The following RHPN2 variants were observed in gnomAD, a reference collection of about 807,000 sequenced individuals.
The protein encoded by RHPN2 is rhophilin Rho GTPase binding protein 2.
RHPN2 carries 40 observed loss-of-function variants against 79.0 expected under a neutral mutation model. That is an observed-to-expected ratio of 0.51 (90% CI 0.39 to 0.66). The LOEUF (loss-of-function observed/expected upper bound fraction) is 0.66, where lower values mean the gene tolerates loss of function less well. Ranked by LOEUF, RHPN2 falls within the 30% of genes least tolerant of loss-of-function variation. The pLI, the probability that RHPN2 is intolerant of heterozygous loss-of-function variation, is 0.00. For missense variants in RHPN2, 686 were observed against 883.5 expected, an observed-to-expected ratio of 0.78 and a Z score of 2.83; for synonymous variants, 285 against 363.5, an observed-to-expected ratio of 0.78 and a Z score of 2.46.
chr19:33,064,763 C>T (rs1172613305), intron 1 of RHPN2, 21 bp downstream of exon 1: 10 of 1,454,138 alleles, frequency 6.9e-6, no homozygotes, highest in African/African-American at 1.4e-5. Flanking sequence ...GGTCCCCGCC[C>T]GCCCGCCCGA....
At position 32,981,072 on chromosome 19, in the gene RHPN2, G is replaced by A. The variant is rs534827550; in HGVS notation, c.1801-816C>T. On this transcript the variant is annotated intron_variant, in intron 14 of 14. Coordinates refer to ENST00000254260, the MANE Select transcript of RHPN2 (RefSeq NM_033103.5). ...GATCTCCTGACCTCGTGATCCGCCC[G>A]TCTTGGCCTCCCAAAGTGCTGGAAT... Among the ~76,000 whole-genome samples, 18 of 152,082 alleles carry A rather than the reference G, an allele frequency of 1.2e-4. 1 individual carries two copies. Among genetic ancestry groups the A allele is most frequent in the African/African-American group, 2.9e-4 (12 of 41,498 alleles).
intron 10 of RHPN2, among the ~76,000 whole-genome samples, chr19:32,996,952 G>A (rs1051828225): frequency 1.3e-5 from 2 of 152,084 alleles, no homozygotes; most frequent in Non-Finnish European, 2.9e-5. Context: ...CTGGAGTACA[G>A]TGGTGCAATC....
intron 1 of RHPN2, among the ~76,000 whole-genome samples, chr19:33,057,773 T>C (rs1487279395): frequency 2.0e-5 from 3 of 151,990 alleles, no homozygotes; most frequent in African/African-American, 7.3e-5. Flanking sequence ...AGATCTGTAC[T>C]GCGGGTGTCC....
intron 4 of RHPN2, among the ~76,000 whole-genome samples, chr19:33,014,473 T>C (rs1274653075): frequency 6.6e-6 from 1 of 152,032 alleles, no homozygotes; most frequent in Non-Finnish European, 1.5e-5. Flanking sequence ...ACTCAGCTAA[T>C]ATTGTTATTT....
At chr19:33,001,044 T>C (rs1971745524) in intron 9 of RHPN2, among the ~76,000 whole-genome samples, 1 of 152,214 alleles carries the variant, frequency 6.6e-6, no homozygotes, top group Non-Finnish European at 1.5e-5. Context: ...GTTTTCGTTT[T>C]CATGACAGCC....
At position 33,031,458 on chromosome 19, in the gene RHPN2, C is replaced by T. The variant is rs200088935; in HGVS notation, c.186-4826G>A. ...TATTTTTTCACCATGTTGCCCAGTC[C>T]AGTCTCCAACTCCTGGGCTCAAGCA... On this transcript the variant is annotated intron_variant, in intron 2 of 14. Transcript: ENST00000254260. Among the ~76,000 whole-genome samples the T allele has an allele frequency of 3.9e-5, 6 of 152,142 alleles. No homozygotes were observed. The East Asian group carries it at 1.2e-3, about 29-fold the overall frequency.
intron 6 of RHPN2, 30 bp downstream of exon 6, chr19:33,011,649 G>A (rs767621369): frequency 6.2e-7 from 1 of 1,613,924 alleles, no homozygotes; most frequent in Non-Finnish European, 8.5e-7. Flanking sequence ...CATAACACGT[G>A]AAGCGCCAGC....
chr19:33,029,112 C>A (rs1971989737), intron 2 of RHPN2, among the ~76,000 whole-genome samples: 1 of 151,866 alleles, frequency 6.6e-6, no homozygotes. Context: ...CGCACTCCAG[C>A]CTGGGCAACA....
Position 33,046,335 on chromosome 19 carries a change from G to A in RHPN2, c.70-1971C>T, listed in dbSNP as rs570355190. 9.8e-4 allele frequency among the ~76,000 whole-genome samples: 149 copies of A among 152,000 alleles called. 1 individual carries two copies. Among genetic ancestry groups the A allele is most frequent in the African/African-American group, 3.4e-3 (143 of 41,482 alleles). ...GGCTTGAGTGCAGTGGCTCGATCTCGGCTCATTGCAACCTCTGTCTCCCAG... is the reference window on the plus strand; with the variant it reads ...GGCTTGAGTGCAGTGGCTCGATCTCAGCTCATTGCAACCTCTGTCTCCCAG... On this transcript the variant is annotated intron_variant, in intron 1 of 14. Coordinates refer to ENST00000254260, the MANE Select transcript of RHPN2 (RefSeq NM_033103.5).
At chr19:33,008,639 G>A (rs1971812851) in intron 6 of RHPN2, among the ~76,000 whole-genome samples, 2 of 152,018 alleles carry the variant, frequency 1.3e-5, no homozygotes, top group African/African-American at 2.4e-5. Context: ...GCATGGTGGC[G>A]GGCGCCTGTA....
chr19:33,039,838 A>C (rs1295829007), intron 2 of RHPN2, among the ~76,000 whole-genome samples: 2 of 144,438 alleles, frequency 1.4e-5, no homozygotes, highest in Non-Finnish European at 3.0e-5. Flanking sequence ...ACTCTGTCTC[A>C]AAAAGAAAAA....
At chr19:33,049,632 G>A (rs1016729761) in intron 1 of RHPN2, among the ~76,000 whole-genome samples, 3 of 152,174 alleles carry the variant, frequency 2.0e-5, no homozygotes, top group South Asian at 4.1e-4. Context: ...CGTCAGTCCC[G>A]AAACTTGAAG....
intron 1 of RHPN2, among the ~76,000 whole-genome samples, chr19:33,059,763 C>T (rs1368804252): frequency 2.0e-5 from 3 of 152,126 alleles, no homozygotes; most frequent in East Asian, 1.9e-4. Flanking sequence ...CATTTCCTAA[C>T]GACTCCTAAA....
rs754034877 is a variant in RHPN2 at position 33,008,162 on chromosome 19, C to G, written c.612G>C (p.Gly204=). Residue 204 remains glycine (G), a synonymous_variant, in exon 7 of 15, where the codon GGG becomes GGC. Transcript: ENST00000254260. ...GCAGGTTCTGCTGGCTGACCGGAAC[C>G]CCGGTGAGAGAGTCATACCTATGTG... The part of the protein sequence containing the change: ...LLFTWYDSLT[G]VPVSQQNLLL... 1.2e-6 allele frequency: 2 copies of G among 1,613,936 alleles called. No homozygotes were observed. Among genetic ancestry groups the G allele is most frequent in the Admixed American group, 1.7e-5 (1 of 59,962 alleles).
intron 1 of RHPN2, among the ~76,000 whole-genome samples, chr19:33,052,716 T>C (rs116030383): frequency 0.01 from 1,566 of 152,262 alleles, 32 homozygotes; most frequent in African/African-American, 0.036. Context: ...TCCATGTCCA[T>C]AAAAATAAAA....
At chr19:33,015,419 C>T (rs1303715573) in intron 4 of RHPN2, among the ~76,000 whole-genome samples, 254 of 133,840 alleles carry the variant, frequency 1.9e-3, no homozygotes, top group African/African-American at 6.4e-3. Flanking sequence ...AGCGAGACTT[C>T]GCCTCAAAAA....
At chr19:33,050,708 C>T (rs1180663951) in intron 1 of RHPN2, among the ~76,000 whole-genome samples, 2 of 152,066 alleles carry the variant, frequency 1.3e-5, no homozygotes, top group East Asian at 1.9e-4. Flanking sequence ...GACAGAGTTT[C>T]GCTCTTGTTG....
At chr19:33,003,062 T>C (rs770356915) in intron 7 of RHPN2, 62 bp from the exon 8 acceptor site, 5 of 1,490,544 alleles carry the variant, frequency 3.4e-6, no homozygotes, top group African/African-American at 1.4e-5. Context: ...CACGTTGCTA[T>C]AGAGAAAGAT....
intron 2 of RHPN2, among the ~76,000 whole-genome samples, chr19:33,031,210 T>TTTCTA (rs150522688): frequency 0.31 from 44,536 of 144,972 alleles, 7,076 homozygotes; most frequent in Non-Finnish European, 0.35. Flanking sequence ...TATTCTATTC[T>TTTCTA]TTCTATTCTA....
Sources: gnomAD v4.1 joint callset for allele counts (sites outside exome capture counted in the v4.1 genomes callset) on GRCh38, gnomAD v4.1.1 for gene constraint, MANE v1.5 for transcripts, NCBI Gene and HGNC (gene_info 2026-07-23, HGNC 2026-07-21) for gene names.